OPCML: variants seen among roughly 807,000 people sequenced by gnomAD.
OPCML encodes opioid binding protein/cell adhesion molecule like.
A neutral mutation model predicts 37.8 loss-of-function variants in OPCML; 13 were observed. The ratio of observed to expected loss-of-function variants is 0.34; its 90% CI spans 0.22 to 0.55. OPCML has a LOEUF of 0.55. Among genes scored for constraint, OPCML ranks in the 20% least tolerant of loss-of-function variants. OPCML has a pLI of 0.91. For missense variants in OPCML, 341 were observed against 435.6 expected (o/e 0.78, Z 1.93); for synonymous variants, 176 against 168.8 (o/e 1.04, Z -0.33).
At chr11:133,130,655 AAAGT>A (rs1485869648) in intron 1 of OPCML, among the ~76,000 whole-genome samples, 1 of 152,192 alleles carries the variant, frequency 6.6e-6, no homozygotes, top group Non-Finnish European at 1.5e-5. Context: ...AAAGAAGAAC[AAAGT>A]AAGAGAACTG....
At chr11:133,290,543 G>T (rs1264029357) in intron 1 of OPCML, among the ~76,000 whole-genome samples, 2 of 152,164 alleles carry the variant, frequency 1.3e-5, no homozygotes, top group South Asian at 4.1e-4. Context: ...CAGGTCCCTG[G>T]GTGCATATAG....
chr11:132,937,444 C>T (rs997138885), intron 2 of OPCML, among the ~76,000 whole-genome samples: 12 of 152,086 alleles, frequency 7.9e-5, no homozygotes, highest in African/African-American at 2.7e-4. Context: ...TGCTTTAAAA[C>T]GTCTTCTCCC....
At chr11:132,605,219 G>A (rs945486940) in intron 3 of OPCML, among the ~76,000 whole-genome samples, 11 of 152,118 alleles carry the variant, frequency 7.2e-5, no homozygotes, top group African/African-American at 2.7e-4. Context: ...CTTTAATAGT[G>A]TCAGAACATT....
chr11:133,129,037 C>G (rs1263899001), intron 1 of OPCML, among the ~76,000 whole-genome samples: 1 of 152,116 alleles, frequency 6.6e-6, no homozygotes, highest in Non-Finnish European at 1.5e-5. Context: ...AAAGTAAACC[C>G]ACAGTTGTGA....
intron 4 of OPCML, among the ~76,000 whole-genome samples, chr11:132,497,089 C>T (rs1458230131): frequency 6.6e-6 from 1 of 152,098 alleles, no homozygotes; most frequent in Non-Finnish European, 1.5e-5. Context: ...ATGTATTTTG[C>T]AGGGACATGG....
At chr11:132,664,489 G>A (rs903020193) in intron 2 of OPCML, among the ~76,000 whole-genome samples, 3 of 152,190 alleles carry the variant, frequency 2.0e-5, no homozygotes, top group South Asian at 2.1e-4. Context: ...TTCATAAATT[G>A]AGAGTTAATT....
Position 132,684,570 on chromosome 11 carries a change from A to G in OPCML, c.147-27251T>C, listed in dbSNP as rs75465354. ...GTTTAATATATATTTTTCTACCTCA[A>G]TAGGACAAAAGGTTCCTAATCCTGT... On this transcript the variant is annotated intron_variant, in intron 2 of 7. Transcript: ENST00000524381. 2.2e-4 allele frequency among the ~76,000 whole-genome samples: 34 copies of G among 152,366 alleles called. No individual in the cohort carries two copies. In the East Asian group the frequency reaches 6.5e-3, roughly 29 times the overall value.
intron 7 of OPCML, among the ~76,000 whole-genome samples, chr11:132,423,989 T>G (rs2095968992): frequency 6.6e-6 from 1 of 152,190 alleles, no homozygotes. Context: ...CTTCTCCAGG[T>G]ACTTGGTACC....
intron 1 of OPCML, among the ~76,000 whole-genome samples, chr11:133,055,455 T>C (rs74582643): frequency 7.0e-6 from 1 of 143,884 alleles, no homozygotes; most frequent in Non-Finnish European, 1.5e-5. Context: ...GTGGTGAGAC[T>C]TCATGAGGGA....
intron 1 of OPCML, among the ~76,000 whole-genome samples, chr11:133,082,169 C>G (rs1328597018): frequency 1.3e-5 from 2 of 151,892 alleles, no homozygotes; most frequent in East Asian, 3.9e-4. Context: ...GGGCCTGGGC[C>G]TCCGCCTCGG....
At chr11:133,054,476 C>A (rs1476814427) in intron 1 of OPCML, among the ~76,000 whole-genome samples, 1 of 152,208 alleles carries the variant, frequency 6.6e-6, no homozygotes, top group Non-Finnish European at 1.5e-5. Flanking sequence ...TTTGTTGCTG[C>A]TGTTACTTTT....
intron 1 of OPCML, among the ~76,000 whole-genome samples, chr11:133,404,248 G>A (rs182106158): frequency 3.4e-4 from 52 of 152,280 alleles, no homozygotes; most frequent in African/African-American, 8.7e-4. Flanking sequence ...CTGGATAAGG[G>A]TCCTCCCTAA....
intron 4 of OPCML, among the ~76,000 whole-genome samples, chr11:132,448,951 G>A (rs958455966): frequency 6.6e-6 from 1 of 152,158 alleles, no homozygotes; most frequent in African/African-American, 2.4e-5. Context: ...TCATCACCTA[G>A]CAATATGGTC....
chr11:132,771,738 C>T (rs900086950), intron 2 of OPCML: 1 of 152,204 alleles, frequency 6.6e-6, no homozygotes, highest in Non-Finnish European at 1.5e-5. Flanking sequence ...AAACGCACAG[C>T]ATATAAACTC....
intron 1 of OPCML, among the ~76,000 whole-genome samples, chr11:133,140,118 C>G (rs1482495329): frequency 1.3e-5 from 2 of 151,010 alleles, no homozygotes; most frequent in Admixed American, 1.3e-4. Context: ...ACCCGGGAGG[C>G]AGAGGTTGCA....
At chr11:132,462,776 A>G (rs1396458796) in intron 4 of OPCML, among the ~76,000 whole-genome samples, 1 of 152,194 alleles carries the variant, frequency 6.6e-6, no homozygotes, top group African/African-American at 2.4e-5. Flanking sequence ...GTGAAATTCT[A>G]CAGAAAGAGG....
intron 1 of OPCML, among the ~76,000 whole-genome samples, chr11:133,140,666 GAAAAGAA>G (rs1949768087): frequency 5.7e-5 from 1 of 17,614 alleles, no homozygotes; most frequent in South Asian, 2.2e-3. Context: ...AAGAAAAGAA[GAAAAGAA>G]GAAAGAAGAA....
intron 4 of OPCML, among the ~76,000 whole-genome samples, chr11:132,502,891 A>G (rs7125111): frequency 6.6e-6 from 1 of 152,014 alleles, no homozygotes; most frequent in Non-Finnish European, 1.5e-5. Context: ...CATACTTTTA[A>G]GTGCCTCTAG....
intron 3 of OPCML, among the ~76,000 whole-genome samples, chr11:132,602,808 A>G (rs765398132): frequency 6.6e-6 from 1 of 152,238 alleles, no homozygotes; most frequent in Non-Finnish European, 1.5e-5. Context: ...GCAATGCAGT[A>G]AAAGGAATCG....
Sources: gnomAD v4.1 joint callset for allele counts (sites outside exome capture counted in the v4.1 genomes callset) on GRCh38, gnomAD v4.1.1 for gene constraint, MANE v1.5 for transcripts, NCBI Gene and HGNC (gene_info 2026-07-23, HGNC 2026-07-21) for gene names.